Variants in HS6ST3 observed in about 807,000 individuals in gnomAD.
HS6ST3 encodes the protein heparan sulfate 6-O-sulfotransferase 3.
A neutral mutation model predicts 36.7 loss-of-function variants in HS6ST3; 12 were observed. The observed-to-expected ratio is 0.33, with a 90% CI of 0.21 to 0.53. The LOEUF (loss-of-function observed/expected upper bound fraction) is 0.53. Among genes scored for constraint, HS6ST3 ranks in the 20% least tolerant of loss-of-function variants. The pLI is 0.95. For synonymous variants in HS6ST3, 240 were observed against 257.5 expected, an observed-to-expected ratio of 0.93 and a Z score of 0.65; for missense variants, 584 against 640.9, an observed-to-expected ratio of 0.91 and a Z score of 0.96.
intron 1 of HS6ST3, among the ~76,000 whole-genome samples, chr13:96,693,492 G>T (rs1220457380): frequency 6.6e-6 from 1 of 151,982 alleles, no homozygotes; most frequent in African/African-American, 2.4e-5. Flanking sequence ...TTATAGAGAT[G>T]GAGTTTCACC....
intron 1 of HS6ST3, among the ~76,000 whole-genome samples, chr13:96,358,620 G>C (rs1051545490): frequency 7.2e-5 from 11 of 151,940 alleles, no homozygotes; most frequent in Non-Finnish European, 1.5e-4. Flanking sequence ...TGTGGAGTTC[G>C]GATAGTGGGT....
rs558767056 is a variant in HS6ST3 at position 96,807,405 on chromosome 13, G to C, written c.708-25085G>C. ...GATAAATTAAGGTTATACCAGAGTA[G>C]GGTGTGCCCCCTACTCCAGTATAAC... On this transcript the variant is annotated intron_variant, in intron 1 of 1. Transcript: ENST00000376705. Among the ~76,000 whole-genome samples, 6 of 152,246 alleles carry C rather than the reference G, an allele frequency of 3.9e-5. No homozygotes were observed. The East Asian group carries it at 1.2e-3, about 29-fold the overall frequency.
intron 1 of HS6ST3, among the ~76,000 whole-genome samples, chr13:96,765,160 G>A (rs545536244): frequency 7.2e-6 from 1 of 139,516 alleles, no homozygotes; most frequent in African/African-American, 2.7e-5. Flanking sequence ...TGCAAGCTCC[G>A]CCTTCTGGGT....
chr13:96,354,792 AG>A (rs1185885622), intron 1 of HS6ST3, among the ~76,000 whole-genome samples: 3 of 152,200 alleles, frequency 2.0e-5, no homozygotes, highest in Non-Finnish European at 2.9e-5. Flanking sequence ...CTGAAAAAAA[AG>A]TCCATTAAAA....
intron 1 of HS6ST3, among the ~76,000 whole-genome samples, chr13:96,649,574 T>C (rs2139011659): frequency 6.6e-6 from 1 of 152,032 alleles, no homozygotes; most frequent in East Asian, 1.9e-4. Flanking sequence ...ATCCAATTTG[T>C]CAGAAGGAAA....
At position 96,688,685 on chromosome 13, in the gene HS6ST3, C is replaced by T. The variant is rs537986877; in HGVS notation, c.708-143805C>T. ...TGTCAGTTGTGTATGAACTCCCTCT[C>T]CTTTAAGGTGACCTATTTAGCATAA... On this transcript the variant is annotated intron_variant, in intron 1 of 1. Transcript: ENST00000376705. 6.6e-5 allele frequency among the ~76,000 whole-genome samples: 10 copies of T among 152,156 alleles called. No homozygotes were observed. In the East Asian group the frequency reaches 1.9e-3, roughly 29 times the overall value.
intron 1 of HS6ST3, among the ~76,000 whole-genome samples, chr13:96,663,019 G>A (rs759929292): frequency 6.6e-6 from 1 of 152,114 alleles, no homozygotes; most frequent in Non-Finnish European, 1.5e-5. Flanking sequence ...GCTGCCCTAA[G>A]TTCCCTGTTT....
At chr13:96,697,582 A>G (rs924247774) in intron 1 of HS6ST3, among the ~76,000 whole-genome samples, 4 of 152,184 alleles carry the variant, frequency 2.6e-5, no homozygotes, top group African/African-American at 9.6e-5. Flanking sequence ...AAAATTTCAG[A>G]CCACCAGAAA....
chr13:96,097,253 C>A (rs1374358546), intron 1 of HS6ST3, among the ~76,000 whole-genome samples: 1 of 152,084 alleles, frequency 6.6e-6, no homozygotes, highest in Non-Finnish European at 1.5e-5. Context: ...AATTTAGCTG[C>A]CAACAATGTG....
At chr13:96,647,649 G>A (rs1280277650) in intron 1 of HS6ST3, among the ~76,000 whole-genome samples, 2 of 151,940 alleles carry the variant, frequency 1.3e-5, no homozygotes, top group South Asian at 2.1e-4. Context: ...TTTTGTTAAC[G>A]GAAAGCTGAA....
chr13:96,514,909 A>T (rs1025802737), intron 1 of HS6ST3, among the ~76,000 whole-genome samples: 3 of 152,236 alleles, frequency 2.0e-5, no homozygotes, highest in Non-Finnish European at 4.4e-5. Context: ...AGTTCAGGGA[A>T]TAAGTACTAA....
chr13:96,472,773 T>C (rs1357588687), intron 1 of HS6ST3, among the ~76,000 whole-genome samples: 2 of 151,612 alleles, frequency 1.3e-5, no homozygotes, highest in African/African-American at 4.9e-5. Flanking sequence ...GATGAAAAGA[T>C]GAGAGGAAGG....
chr13:96,635,354 G>T (rs1232720416), intron 1 of HS6ST3, among the ~76,000 whole-genome samples: 1 of 151,808 alleles, frequency 6.6e-6, no homozygotes, highest in Non-Finnish European at 1.5e-5. Context: ...GAAATTTGCA[G>T]GGTAAACTGC....
chr13:96,142,751 A>G (rs1036440124), intron 1 of HS6ST3, among the ~76,000 whole-genome samples: 2 of 152,188 alleles, frequency 1.3e-5, no homozygotes, highest in Non-Finnish European at 2.9e-5. Context: ...ATGAATACAC[A>G]TGAATAATTA....
At chr13:96,738,524 T>C (rs1433824600) in intron 1 of HS6ST3, among the ~76,000 whole-genome samples, 1 of 152,242 alleles carries the variant, frequency 6.6e-6, no homozygotes, top group East Asian at 1.9e-4. Flanking sequence ...TTAAGCATTT[T>C]AGCATCTCTG....
At chr13:96,715,387 A>G (rs956703847) in intron 1 of HS6ST3, among the ~76,000 whole-genome samples, 3 of 152,092 alleles carry the variant, frequency 2.0e-5, no homozygotes, top group Non-Finnish European at 4.4e-5. Flanking sequence ...TACTTTTTTT[A>G]GCTTAAAAAG....
intron 1 of HS6ST3, among the ~76,000 whole-genome samples, chr13:96,277,550 A>G (rs1481927823): frequency 6.6e-6 from 1 of 152,214 alleles, no homozygotes; most frequent in Non-Finnish European, 1.5e-5. Flanking sequence ...TTTTCCAAAT[A>G]TCCTTGTCAA....
intron 1 of HS6ST3, among the ~76,000 whole-genome samples, chr13:96,093,694 T>C (rs919215347): frequency 6.6e-6 from 1 of 152,056 alleles, no homozygotes; most frequent in African/African-American, 2.4e-5. Context: ...CTCTAGATAC[T>C]GTAGGAGGGA....
chr13:96,558,191 A>G (rs1217273664), intron 1 of HS6ST3, among the ~76,000 whole-genome samples: 2 of 152,140 alleles, frequency 1.3e-5, no homozygotes, highest in Non-Finnish European at 2.9e-5. Context: ...TACTTTTCCA[A>G]CAACCCATTC....
Sources: gnomAD v4.1 joint callset for allele counts (sites outside exome capture counted in the v4.1 genomes callset) on GRCh38, gnomAD v4.1.1 for gene constraint, MANE v1.5 for transcripts, NCBI Gene and HGNC (gene_info 2026-07-23, HGNC 2026-07-21) for gene names.